Variants in ADK observed in about 807,000 individuals in gnomAD.
ADK encodes the protein adenosine kinase.
ADK carries 24 observed loss-of-function variants against 44.7 expected under a neutral mutation model. The observed-to-expected ratio is 0.54, with a 90% CI of 0.39 to 0.76. The LOEUF is 0.76. ADK is among the 30% of genes least tolerant of loss of function. ADK has a pLI of 0.00. For synonymous variants in ADK, 128 were observed against 142.6 expected (o/e 0.90, Z 0.73); for missense variants, 321 against 425.1 (o/e 0.76, Z 2.15).
At chr10:74,596,787 TTCACCC>T (rs1851941512) in intron 8 of ADK, among the ~76,000 whole-genome samples, 1 of 152,194 alleles carries the variant, frequency 6.6e-6, no homozygotes, top group South Asian at 2.1e-4. Flanking sequence ...GCTCAAGCGA[TTCACCC>T]GCCTCCGCCT....
At chr10:74,412,993 G>C (rs1451471282) in intron 6 of ADK, among the ~76,000 whole-genome samples, 1 of 152,132 alleles carries the variant, frequency 6.6e-6, no homozygotes, top group African/African-American at 2.4e-5. Context: ...TGGAGGCGGA[G>C]GTTGCGGTGA....
At chr10:74,471,178 C>T (rs534979459) in intron 6 of ADK, among the ~76,000 whole-genome samples, 1 of 151,840 alleles carries the variant, frequency 6.6e-6, no homozygotes, top group East Asian at 1.9e-4. Context: ...AGGTTCACGC[C>T]ATTCTCCTGC....
intron 6 of ADK, among the ~76,000 whole-genome samples, chr10:74,430,973 G>A (rs1844968193): frequency 6.6e-6 from 1 of 151,598 alleles, no homozygotes; most frequent in Non-Finnish European, 1.5e-5. Context: ...GTTGAAGCAT[G>A]GGGAACTATT....
intron 4 of ADK, among the ~76,000 whole-genome samples, chr10:74,337,311 T>C (rs886897332): frequency 6.6e-6 from 1 of 152,150 alleles, no homozygotes; most frequent in Non-Finnish European, 1.5e-5. Context: ...TCACCTGAAG[T>C]GTGAGAGAGT....
rs574010702 is a variant in ADK, at chr10:74,232,635, T to A, written c.194+8044T>A. Among the ~76,000 whole-genome samples the A allele has an allele frequency of 1.5e-4, 20 of 136,578 alleles. 1 individual carries two copies. The highest frequency in any genetic ancestry group is 6.8e-4 in the South Asian group (3 of 4,390). 89.6% of individuals were successfully genotyped at this position (136,578 alleles called of 152,430 possible). ...TCATTATAAGGATTTAAAAAAAAAA[T>A]TTTTTTTTGAGACGGAGTCTTGCTC... On this transcript the variant is annotated intron_variant, in intron 3 of 10. Transcript: ENST00000539909.
At chr10:74,519,027 G>A (rs1349374947) in intron 6 of ADK, among the ~76,000 whole-genome samples, 2 of 151,338 alleles carry the variant, frequency 1.3e-5, no homozygotes, top group South Asian at 4.2e-4. Context: ...AAATTTTCCA[G>A]GACCCATATG....
At chr10:74,275,864 C>A (rs1256954642) in intron 3 of ADK, among the ~76,000 whole-genome samples, 1 of 152,130 alleles carries the variant, frequency 6.6e-6, no homozygotes, top group African/African-American at 2.4e-5. Context: ...TGTTCTTTAA[C>A]TCCTGACCTC....
intron 1 of ADK, among the ~76,000 whole-genome samples, chr10:74,153,234 T>C (rs1841662252): frequency 6.6e-6 from 1 of 152,200 alleles, no homozygotes; most frequent in Non-Finnish European, 1.5e-5. Flanking sequence ...GGATAATAAT[T>C]CTCCACCAGG....
chr10:74,482,824 G>A (rs576011357), intron 6 of ADK, among the ~76,000 whole-genome samples: 1 of 152,322 alleles, frequency 6.6e-6, no homozygotes, highest in South Asian at 2.1e-4. Flanking sequence ...TCACATTCAA[G>A]CCACACTGAT....
chr10:74,626,809 G>T (rs1196293746), intron 9 of ADK, among the ~76,000 whole-genome samples: 1 of 152,094 alleles, frequency 6.6e-6, no homozygotes, highest in Non-Finnish European at 1.5e-5. Flanking sequence ...ATTGGATGTG[G>T]AACAATGAGT....
At chr10:74,336,398 A>G (rs1023800347) in intron 4 of ADK, among the ~76,000 whole-genome samples, 10 of 152,070 alleles carry the variant, frequency 6.6e-5, no homozygotes, top group Admixed American at 3.9e-4. Context: ...TCTTTCTCCA[A>G]TATCATACTT....
chr10:74,402,535 C>T (rs1843753167), intron 6 of ADK, among the ~76,000 whole-genome samples: 1 of 152,142 alleles, frequency 6.6e-6, no homozygotes, highest in African/African-American at 2.4e-5. Context: ...TTGATCGAAT[C>T]AGCTACTGAA....
chr10:74,305,291 A>G (rs1840206906), intron 3 of ADK, among the ~76,000 whole-genome samples: 1 of 152,182 alleles, frequency 6.6e-6, no homozygotes, highest in East Asian at 1.9e-4. Flanking sequence ...TGAATATAGA[A>G]TTAAAGCCAG....
intron 9 of ADK, among the ~76,000 whole-genome samples, chr10:74,629,324 T>C (rs184480358): frequency 1.7e-4 from 26 of 152,276 alleles, no homozygotes; most frequent in Admixed American, 2.0e-4. Flanking sequence ...CTATTCTTGA[T>C]TTTTATTCTT....
chr10:74,700,877 G>A (rs1035349553), intron 10 of ADK, among the ~76,000 whole-genome samples: 1 of 152,006 alleles, frequency 6.6e-6, no homozygotes, highest in African/African-American at 2.4e-5. Context: ...GTAAGAAATG[G>A]GACTAAAACT....
intron 3 of ADK, among the ~76,000 whole-genome samples, chr10:74,277,062 C>T (rs553874829): frequency 2.9e-4 from 44 of 152,110 alleles, no homozygotes; most frequent in Non-Finnish European, 4.9e-4. Flanking sequence ...GGATTACAGG[C>T]GCCTGCCACC....
Position 74,345,125 on chromosome 10 carries a change from C to A in ADK, c.273+30380C>A, listed in dbSNP as rs191925506. The stretch of plus-strand genomic sequence containing the variant: ...GTAGTTTCTTGATTACTAATTTAAT[C>A]TCTTGTTATATAGGTCTGTTCAAGT... On this transcript the variant is annotated intron_variant, in intron 4 of 10. Coordinates refer to ENST00000539909, the MANE Select transcript of ADK (RefSeq NM_006721.4). 2.2e-4 allele frequency among the ~76,000 whole-genome samples: 34 copies of A among 152,242 alleles called. No homozygotes were observed. In the East Asian group the frequency reaches 6.0e-3, roughly 27 times the overall value.
intron 1 of ADK, among the ~76,000 whole-genome samples, chr10:74,191,052 C>G (rs915944584): frequency 5.5e-5 from 8 of 146,762 alleles, no homozygotes; most frequent in Non-Finnish European, 1.5e-5. Context: ...GTAATTTTGG[C>G]TCACTGCAAC....
At chr10:74,259,752 C>T (rs892613960) in intron 3 of ADK, among the ~76,000 whole-genome samples, 43 of 152,134 alleles carry the variant, frequency 2.8e-4, no homozygotes, top group African/African-American at 9.9e-4. Context: ...CCACCCTGCC[C>T]GGCCCATTTT....
Sources: gnomAD v4.1 joint callset for allele counts (sites outside exome capture counted in the v4.1 genomes callset) on GRCh38, gnomAD v4.1.1 for gene constraint, MANE v1.5 for transcripts, NCBI Gene and HGNC (gene_info 2026-07-23, HGNC 2026-07-21) for gene names.